YIPF3: variants seen among roughly 807,000 people sequenced by gnomAD.
The protein encoded by YIPF3 is protein YIPF3.
Under a neutral mutation model 40.3 loss-of-function variants are expected in YIPF3, and 18 were observed. The observed-to-expected ratio is 0.45, with a 90% CI of 0.31 to 0.66. The LOEUF (loss-of-function observed/expected upper bound fraction) is 0.66. Among genes scored for constraint, YIPF3 ranks in the 30% least tolerant of loss-of-function variants. YIPF3 has a pLI of 0.07. For synonymous variants in YIPF3, 190 were observed against 179.6 expected, an observed-to-expected ratio of 1.06 and a Z score of -0.46; for missense variants, 406 against 452.2, an observed-to-expected ratio of 0.90 and a Z score of 0.93.
intron 1 of YIPF3, chr6:43,516,407 T>C (rs1172751059): frequency 4.7e-6 from 3 of 634,446 alleles, no homozygotes; most frequent in Admixed American, 3.3e-5. Flanking sequence ...ACTATACACA[T>C]AGTATGTTTT....
At position 43,513,143 on chromosome 6, in the gene YIPF3, C is replaced by T. The variant is rs779582780; in HGVS notation, c.592G>A (p.Val198Ile). ...IGTCFGYWLGVSSFIYFLAYL... is the reference protein window; with the variant it reads ...IGTCFGYWLGISSFIYFLAYL... ...GCAAGGAAGTAAATGAAGGATGAGA[C>T]TCCCAGCCAGTAGCCGAAGCAGGTG... is the stretch of plus-strand genomic sequence containing the variant. The change falls in exon 6 of 9, where the codon GTC becomes ATC. Residue 198 changes from valine (V) to isoleucine (I), a missense_variant. Val to Ile is a conservative substitution (Grantham distance 29). Transcript: ENST00000372422. The T allele has an allele frequency of 2.0e-5, 32 of 1,614,200 alleles. No homozygotes were observed. The highest frequency in any genetic ancestry group is 4.0e-5 in the African/African-American group (3 of 75,056).
In YIPF3 at chr6:43,512,851, G is replaced by A. The variant is rs746741257; in HGVS notation, c.690C>T (p.Cys230=). The change falls in exon 7 of 9, where the codon TGC becomes TGT. Residue 230 remains cysteine, a synonymous_variant. Coordinates refer to ENST00000372422, the MANE Select transcript of YIPF3 (RefSeq NM_015388.4). ...ALLGYGLFGH[C]IVLFITYNIH... Reference sequence around the variant, plus strand: ...TATTATAGGTGATGAACAGGACAATGCAATGCCCAAAGAGGCCATAGCCCT... The same window carrying A: ...TATTATAGGTGATGAACAGGACAATACAATGCCCAAAGAGGCCATAGCCCT... 16 of 1,613,934 alleles carry A rather than the reference G, an allele frequency of 9.9e-6. No individual in the cohort carries two copies. The highest frequency in any genetic ancestry group is 5.5e-5 in the South Asian group (5 of 91,076).
At chr6:43,514,040 G>A (rs1582173130) in intron 3 of YIPF3, among the ~76,000 whole-genome samples, 2 of 152,198 alleles carry the variant, frequency 1.3e-5, no homozygotes, top group East Asian at 3.8e-4. Flanking sequence ...AGGAGTTTGA[G>A]GCCAGCCTGG....
chr6:43,512,291 G>C lies in YIPF3; in HGVS notation c.929C>G (p.Pro310Arg). Residue 310 changes from proline (P) to arginine (R), a missense_variant, in exon 9 of 9, where the codon CCC becomes CGC. Physicochemically the swap from Pro to Arg is moderately radical, Grantham distance 103 (BLOSUM62 -2). Transcript: ENST00000372422. ...GACCCTCTGGATGGGCGGGATGTTG[G>C]GGCCCTCCAGTGTGTCCAGGATCCC... is the stretch of plus-strand genomic sequence containing the variant. ...VEGILDTLEG[P>R]NIPPIQRVPR... 3 of 1,610,958 alleles carry C rather than the reference G, an allele frequency of 1.9e-6. No individual in the cohort carries two copies. The highest frequency in any genetic ancestry group is 2.5e-6 in the Non-Finnish European group (3 of 1,178,280).
Position 43,511,955 on chromosome 6 carries a change from A to T in YIPF3, c.*212T>A. On this transcript the variant is annotated 3_prime_UTR_variant, in exon 9 of 9. Coordinates refer to ENST00000372422, the MANE Select transcript of YIPF3 (RefSeq NM_015388.4). ...TCAAAGGAGCTGACCCATTTTCTGC[A>T]TTGGCTGCAGAGCCTTGCAGTCCTG... 1.5e-6 allele frequency: 1 copy of T among 686,114 alleles called. No homozygotes were observed. 42.5% of individuals were successfully genotyped at this position (686,114 alleles called of 1,614,324 possible).
rs763032093 is a variant in YIPF3 at position 43,513,105 on chromosome 6, G to A, written c.630C>T (p.Asn210=). Residue 210 remains asparagine (N), a synonymous_variant, in exon 6 of 9, where the codon AAC becomes AAT. Transcript: ENST00000372422. ...SFIYFLAYLC[N]AQITMLQMLA... ...ACATCTGCAGCATGGTGATCTGGGC[G>A]TTGCACAGGTAGGCAAGGAAGTAAA... 38 of 1,614,046 alleles carry A rather than the reference G, an allele frequency of 2.4e-5. No individual in the cohort carries two copies. Among genetic ancestry groups the A allele is most frequent in the Admixed American group, 6.7e-5 (4 of 60,006 alleles).
Position 43,512,504 on chromosome 6 carries a change from G to C in YIPF3, c.840C>G (p.Thr280=). The C allele has an allele frequency of 6.2e-7, 1 of 1,613,646 alleles. No individual in the cohort carries two copies. The highest frequency in any genetic ancestry group is 1.7e-5 in the Admixed American group (1 of 60,012). Residue 280 remains threonine, a synonymous_variant, in exon 8 of 9, where the codon ACC becomes ACG. Coordinates refer to ENST00000372422, the MANE Select transcript of YIPF3 (RefSeq NM_015388.4). ...GGAAGAGCATGTGTAGGGCAGCCAG[G>C]GTGCCACAGAGGAGCAGCCGCTGTG... The part of the protein sequence containing the change: ...GPTQRLLLCG[T]LAALHMLFLL...
At chr6:43,516,239 C>G in intron 1 of YIPF3, 144 bp from the exon 2 acceptor site, 1 of 1,454,220 alleles carries the variant, frequency 6.9e-7, no homozygotes, top group African/African-American at 1.4e-5. Context: ...TCCATTCCCC[C>G]TCATATGCTC....
In YIPF3 at chr6:43,516,793, C is replaced by T. The variant is rs1357383311; in HGVS notation, c.15G>A (p.Ala5=). MATT[A]APAGGARNGA... ...CATTTCGGGCGCCGCCCGCCGGCGC[C>T]GCTGTAGTTGCCATGTCCCTTGAGG... The change falls in exon 1 of 9, where the codon GCG becomes GCA. Residue 5 remains alanine (A), a synonymous_variant. Transcript: ENST00000372422. 1.3e-6 allele frequency: 2 copies of T among 1,580,480 alleles called. No homozygotes were observed. The highest frequency in any genetic ancestry group is 2.3e-5 in the South Asian group (2 of 86,942).
At position 43,516,898 on chromosome 6, in the gene YIPF3, T is replaced by C. The variant is rs1792856391; in HGVS notation, c.-91A>G. On this transcript the variant is annotated 5_prime_UTR_variant, in exon 1 of 9. Transcript: ENST00000372422. ...GCCTCCGGAAGGTAGACGTCCAGGGTCGAGGAGAGGTGGGATCGGCCGGAA... is the reference window on the plus strand; with the variant it reads ...GCCTCCGGAAGGTAGACGTCCAGGGCCGAGGAGAGGTGGGATCGGCCGGAA... 11 of 1,421,016 alleles carry C rather than the reference T, an allele frequency of 7.7e-6. No homozygotes were observed. The highest frequency in any genetic ancestry group is 1.1e-5 in the Non-Finnish European group (11 of 1,030,256). 88.0% of individuals were successfully genotyped at this position (1,421,016 alleles called of 1,614,324 possible).
intron 3 of YIPF3, chr6:43,515,340 T>G: frequency 1.8e-5 from 10 of 568,642 alleles, no homozygotes; most frequent in Non-Finnish European, 2.3e-5. Flanking sequence ...AAACTGGGGA[T>G]GGGATTGAGG....
In YIPF3 at chr6:43,513,064, C is replaced by T; in HGVS notation, c.666+5G>A. On this transcript the variant is annotated splice_donor_5th_base_variant and intron_variant, in intron 6 of 8. Transcript: ENST00000372422. ...CACTCTTGCCCACCACACCTGGCTC[C>T]TTACCAGCAGTGCCAACATCTGCAG... 6.2e-7 allele frequency: 1 copy of T among 1,613,944 alleles called. No individual in the cohort carries two copies. Among genetic ancestry groups the T allele is most frequent in the Non-Finnish European group, 8.5e-7 (1 of 1,179,988 alleles).
chr6:43,516,142 C>A, intron 1 of YIPF3, 47 bp from the exon 2 acceptor site: 1 of 1,609,594 alleles, frequency 6.2e-7, no homozygotes, highest in South Asian at 1.1e-5. Context: ...CTGTTCCATC[C>A]ATTAAGTCCT....
rs2231770 is a variant in YIPF3, at chr6:43,512,569, A to G, written c.781-6T>C. 137,988 of 1,608,132 alleles carry G rather than the reference A, an allele frequency of 0.086. 13,960 individuals are homozygous for G. Among genetic ancestry groups the G allele is most frequent in the African/African-American group, 0.52 (38,782 of 74,846 alleles). The stretch of plus-strand genomic sequence containing the variant: ...CGAGACACCAACACTGCTACCTAGG[A>G]CCATGAGAATACAGCTCAAAGGGCC... On this transcript the variant is annotated splice_region_variant and splice_polypyrimidine_tract_variant and intron_variant, in intron 7 of 8. Coordinates refer to ENST00000372422, the MANE Select transcript of YIPF3 (RefSeq NM_015388.4).
At position 43,512,513 on chromosome 6, in the gene YIPF3, G is replaced by C. The variant is rs779762641; in HGVS notation, c.831C>G (p.Leu277=). Residue 277 remains leucine, a synonymous_variant, in exon 8 of 9, where the codon CTC becomes CTG. Transcript: ENST00000372422. ...RTVGPTQRLL[L]CGTLAALHML... ...TGTGTAGGGCAGCCAGGGTGCCACA[G>C]AGGAGCAGCCGCTGTGTGGGGCCCA... 1.4e-5 allele frequency: 22 copies of C among 1,613,150 alleles called. No homozygotes were observed. Among genetic ancestry groups the C allele is most frequent in the Non-Finnish European group, 1.9e-5 (22 of 1,180,002 alleles).
intron 3 of YIPF3, 89 bp from the exon 4 acceptor site, chr6:43,513,722 T>G: frequency 7.5e-7 from 1 of 1,328,712 alleles, no homozygotes; most frequent in East Asian, 2.3e-5. Context: ...CATCTCTAAC[T>G]CCAGGGAATG....
chr6:43,512,430 T>C lies in YIPF3; in HGVS notation c.904+10A>G. 1 of 1,614,158 alleles carries C rather than the reference T, an allele frequency of 6.2e-7. No individual in the cohort carries two copies. Among genetic ancestry groups the C allele is most frequent in the Non-Finnish European group, 8.5e-7 (1 of 1,180,020 alleles). Reference sequence around the variant, plus strand: ...CCATTCTCCCCCACCCAGACCTTCCTGCCACTTACCCTCTACCACTTTGTG... The same window carrying C: ...CCATTCTCCCCCACCCAGACCTTCCCGCCACTTACCCTCTACCACTTTGTG... On this transcript the variant is annotated intron_variant, in intron 8 of 8. Coordinates refer to ENST00000372422, the MANE Select transcript of YIPF3 (RefSeq NM_015388.4).
At position 43,516,782 on chromosome 6, in the gene YIPF3, C is replaced by T. The variant is rs1399468534; in HGVS notation, c.26G>A (p.Gly9Asp). ...CGGGCCAGCTCCATTTCGGGCGCCGCCCGCCGGCGCCGCTGTAGTTGCCAT... is the reference window on the plus strand; with the variant it reads ...CGGGCCAGCTCCATTTCGGGCGCCGTCCGCCGGCGCCGCTGTAGTTGCCAT... Reference protein sequence around the residue: MATTAAPAGGARNGAGPEW... With the variant: MATTAAPADGARNGAGPEW... Residue 9 changes from glycine (G) to aspartate (D), a missense_variant, in exon 1 of 9, where the codon GGC becomes GAC. Physicochemically the swap from Gly to Asp is moderately conservative, Grantham distance 94 (BLOSUM62 -1). Coordinates refer to ENST00000372422, the MANE Select transcript of YIPF3 (RefSeq NM_015388.4). 1 of 1,580,030 alleles carries T rather than the reference C, an allele frequency of 6.3e-7. No individual in the cohort carries two copies. The highest frequency in any genetic ancestry group is 1.8e-5 in the Admixed American group (1 of 54,976).
chr6:43,511,983 C>T lies in YIPF3; in HGVS notation c.*184G>A. The stretch of plus-strand genomic sequence containing the variant: ...GGCTGCAGAGCCTTGCAGTCCTGGC[C>T]AGGAGTTCTTGGCCTTGTGCCTTTC... On this transcript the variant is annotated 3_prime_UTR_variant, in exon 9 of 9. Transcript: ENST00000372422. 1.0e-6 allele frequency: 1 copy of T among 953,786 alleles called. No homozygotes were observed. The highest frequency in any genetic ancestry group is 1.5e-6 in the Non-Finnish European group (1 of 654,404). 59.1% of individuals were successfully genotyped at this position (953,786 alleles called of 1,614,324 possible).
Sources: allele counts gnomAD v4.1 joint callset (sites outside exome capture counted in the v4.1 genomes callset), GRCh38; gene constraint gnomAD v4.1.1; transcripts MANE v1.5; gene names NCBI Gene and HGNC (gene_info 2026-07-23, HGNC 2026-07-21).